ZNF816: variants seen among roughly 807,000 people sequenced by gnomAD.
The protein encoded by ZNF816 is zinc finger protein 816, also known as zinc finger protein 816A.
In ZNF816, 11 loss-of-function variants were observed where a neutral mutation model predicts 8.3. The observed-to-expected ratio is 1.32, with a 90% CI of 0.83 to 2.19. ZNF816 has a LOEUF of 2.19. Among genes scored for constraint, ZNF816 ranks in the 30% most tolerant of loss-of-function variants. ZNF816 has a pLI of 0.00. For synonymous variants in ZNF816, 255 were observed against 254.5 expected (o/e 1.00, Z -0.02); for missense variants, 710 against 779.3 (o/e 0.91, Z 1.06).
At chr19:52,953,513 TAA>T (rs2083479890) in intron 2 of ZNF816, 1 of 117,898 alleles carries the variant, frequency 8.5e-6, no homozygotes, top group Non-Finnish European at 1.6e-5. Flanking sequence ...TAATTATATA[TAA>T]TATATATTTA....
At chr19:52,962,042 C>T (rs537097965) in intron 1 of ZNF816, among the ~76,000 whole-genome samples, 2 of 152,298 alleles carry the variant, frequency 1.3e-5, no homozygotes, top group African/African-American at 4.8e-5. Flanking sequence ...AACAGCACAA[C>T]AAGGACAGTC....
At chr19:52,960,293 A>G in intron 1 of ZNF816, 1 of 258,390 alleles carries the variant, frequency 3.9e-6, no homozygotes, top group Non-Finnish European at 7.6e-6. Context: ...AAAGTGTAGA[A>G]GTAACAAGTA....
intron 2 of ZNF816, among the ~76,000 whole-genome samples, 170 bp from the exon 3 acceptor site, chr19:52,953,047 C>T (rs1327733754): frequency 2.0e-5 from 3 of 151,960 alleles, no homozygotes; most frequent in African/African-American, 7.3e-5. Context: ...TTTTATTGTA[C>T]TTTTTCATGA....
intron 1 of ZNF816, among the ~76,000 whole-genome samples, chr19:52,960,753 T>A (rs921124418): frequency 9.2e-5 from 14 of 152,194 alleles, no homozygotes; most frequent in Non-Finnish European, 2.1e-4. Flanking sequence ...CTCCCACCGC[T>A]GTGAAGGTAG....
At chr19:52,953,832 G>C (rs2083486799) in intron 2 of ZNF816, among the ~76,000 whole-genome samples, 1 of 148,006 alleles carries the variant, frequency 6.8e-6, no homozygotes, top group African/African-American at 2.5e-5. Flanking sequence ...TTAAGGTCAG[G>C]AGTTAGAGAC....
intron 3 of ZNF816, 40 bp from the exon 4 acceptor site, chr19:52,951,624 A>C: frequency 6.8e-7 from 1 of 1,477,802 alleles, no homozygotes; most frequent in Non-Finnish European, 9.1e-7. Flanking sequence ...AATTAAGTAC[A>C]GATGGTAAAT....
At chr19:52,961,823 A>G (rs566413896) in intron 1 of ZNF816, among the ~76,000 whole-genome samples, 126 of 152,354 alleles carry the variant, frequency 8.3e-4, no homozygotes, top group African/African-American at 2.9e-3. Flanking sequence ...ACGCGGAGGA[A>G]CTACTGTTGG....
chr19:52,950,805 C>G lies in ZNF816; in HGVS notation c.970G>C (p.Glu324Gln), dbSNP rs555410064. 2 of 1,601,308 alleles carry G rather than the reference C, an allele frequency of 1.2e-6. No homozygotes were observed. Among genetic ancestry groups the G allele is most frequent in the Non-Finnish European group, 8.5e-7 (1 of 1,178,068 alleles). The change falls in exon 4 of 4, where the codon GAG (glutamate) becomes CAG (glutamine). Residue 324 changes from glutamate to glutamine, a missense_variant. Glu to Gln is a conservative substitution (Grantham distance 29). Transcript: ENST00000444460. ...CGATGGCATCTAAGGGATGACTTCTCACTGAAGGTCTTGCCACACTCATTA... is the reference window on the plus strand; with the variant it reads ...CGATGGCATCTAAGGGATGACTTCTGACTGAAGGTCTTGCCACACTCATTA... The part of the protein sequence containing the change: ...KCNECGKTFS[E>Q]KSSLRCHRRL...
intron 1 of ZNF816, among the ~76,000 whole-genome samples, chr19:52,956,806 CAA>C (rs1321234065): frequency 6.6e-6 from 1 of 152,162 alleles, no homozygotes; most frequent in African/African-American, 2.4e-5. Flanking sequence ...AGGAAGAAAG[CAA>C]AAAGTTAGAA....
chr19:52,949,939 CTGA>C lies in ZNF816; in HGVS notation c.1833_1835del (p.His611del). On this transcript the variant is annotated inframe_deletion, in exon 4 of 4. Transcript: ENST00000444460. ...AAGGTTTCTCTGCAGTATGAACTCT[CTGA>C]TGTTTTGCAAGGCTTGCTTTTTGAT... 2 of 1,613,874 alleles carry C rather than the reference CTGA, an allele frequency of 1.2e-6. No individual in the cohort carries two copies. Among genetic ancestry groups the C allele is most frequent in the South Asian group, 1.1e-5 (1 of 91,062 alleles).
chr19:52,951,001 T>G lies in ZNF816; in HGVS notation c.774A>C (p.Lys258Asn), dbSNP rs114051138. 3,294 of 1,614,156 alleles carry G rather than the reference T, an allele frequency of 2.0e-3. 67 individuals carry two copies. The African/African-American group carries it at 0.04, about 19-fold the overall frequency. ...HITHSREREY[K>N]CDVCGKIFNQ... ...TAAAGATCTTGCCACATACATCACA[T>G]TTATATTCTCTCTCTCTTGAATGGG... Residue 258 changes from lysine to asparagine, a missense_variant, in exon 4 of 4, where the codon AAA becomes AAC. Transcript: ENST00000444460.
chr19:52,952,694 A>G (rs563812762), intron 3 of ZNF816, 57 bp downstream of exon 3: 1 of 1,603,144 alleles, frequency 6.2e-7, no homozygotes, highest in East Asian at 2.2e-5. Context: ...ATAAAACCAG[A>G]AAGAGCCAAG....
chr19:52,952,719 A>G, intron 3 of ZNF816, 32 bp downstream of exon 3: 1 of 1,612,160 alleles, frequency 6.2e-7, no homozygotes, highest in Non-Finnish European at 8.5e-7. Flanking sequence ...ACAAGTGCAG[A>G]TTCCTCATGT....
Position 52,949,463 on chromosome 19 carries a change from C to G in ZNF816, c.*356G>C. 2.4e-6 allele frequency: 1 copy of G among 415,174 alleles called. No individual in the cohort carries two copies. The allele number at this position is 415,174 out of a possible 1,614,324, so 25.7% of individuals were successfully genotyped here. On this transcript the variant is annotated 3_prime_UTR_variant, in exon 4 of 4. Coordinates refer to ENST00000444460, the MANE Select transcript of ZNF816 (RefSeq NM_001202457.3). ...TTTCTGATGTTCTGCATGGAATGAC[C>G]ACAGAGTGAAGACCTTGCCACCCTT...
intron 1 of ZNF816, among the ~76,000 whole-genome samples, chr19:52,962,154 C>A (rs1420450919): frequency 6.6e-6 from 1 of 151,948 alleles, no homozygotes; most frequent in East Asian, 1.9e-4. Context: ...ACTGGACGGC[C>A]CCCGCTGGAC....
chr19:52,954,282 C>A (rs1005876846), intron 2 of ZNF816, among the ~76,000 whole-genome samples: 1 of 151,890 alleles, frequency 6.6e-6, no homozygotes, highest in African/African-American at 2.4e-5. Flanking sequence ...AGCTACTGAA[C>A]CTGGGAGGTG....
At chr19:52,952,956 A>G in intron 2 of ZNF816, 79 bp from the exon 3 acceptor site, 2 of 1,514,510 alleles carry the variant, frequency 1.3e-6, no homozygotes, top group East Asian at 4.6e-5. Flanking sequence ...AAAACAGAAA[A>G]TAAGTATTGA....
chr19:52,953,405 A>AG (rs770902008), intron 2 of ZNF816: 3,065 of 173,576 alleles, frequency 0.018, 142 homozygotes, highest in African/African-American at 0.075. Flanking sequence ...AAAAAAAAAG[A>AG]AAAAAAATAT....
rs750527469 is a variant in ZNF816 at position 52,950,920 on chromosome 19, G to T, written c.855C>A (p.Tyr285Ter). 2.5e-6 allele frequency: 4 copies of T among 1,614,168 alleles called. No individual in the cohort carries two copies. Among genetic ancestry groups the T allele is most frequent in the South Asian group, 1.1e-5 (1 of 91,086 alleles). The change falls in exon 4 of 4, where the codon TAC becomes TAA. Residue 285 changes from tyrosine (Y) to a stop codon, truncating the protein, a stop_gained. Coordinates refer to ENST00000444460, the MANE Select transcript of ZNF816 (RefSeq NM_001202457.3). LOFTEE classifies it low-confidence loss of function (END_TRUNC). The part of the protein sequence containing the change: ...HHRCHTGEKT[Y>*]KCNECGKTFT... ...AGGTCTTCCCACACTCATTACACTT[G>T]TAAGTTTTCTCACCAGTGTGACATC...
Sources: gnomAD v4.1 joint callset for allele counts (sites outside exome capture counted in the v4.1 genomes callset) on GRCh38, gnomAD v4.1.1 for gene constraint, MANE v1.5 for transcripts, NCBI Gene and HGNC (gene_info 2026-07-23, HGNC 2026-07-21) for gene names.